The following PLEKHM3 variants were observed in gnomAD, a reference collection of about 807,000 sequenced individuals.
PLEKHM3 encodes pleckstrin homology domain-containing family M member 3.
In PLEKHM3, 45 loss-of-function variants were observed where a neutral mutation model predicts 81.8. The ratio of observed to expected loss-of-function variants is 0.55; its 90% CI spans 0.43 to 0.71. PLEKHM3 has a LOEUF of 0.71. Ranked by LOEUF, PLEKHM3 falls within the 30% of genes least tolerant of loss-of-function variation. The probability of loss-of-function intolerance (pLI) is 0.00; values close to 1 mark genes in which losing one functional copy is unlikely to be tolerated. For synonymous variants in PLEKHM3, 352 were observed against 356.4 expected (o/e 0.99, Z 0.14); for missense variants, 788 against 924.3 (o/e 0.85, Z 1.91).
At chr2:207,992,581 T>C (rs1691933537) in intron 2 of PLEKHM3, among the ~76,000 whole-genome samples, 1 of 152,186 alleles carries the variant, frequency 6.6e-6, no homozygotes, top group Admixed American at 6.5e-5. Flanking sequence ...ACCTTCCATG[T>C]GTTCATGCTT....
At chr2:207,913,520 G>A (rs1243168546) in intron 5 of PLEKHM3, among the ~76,000 whole-genome samples, 1 of 152,064 alleles carries the variant, frequency 6.6e-6, no homozygotes, top group African/African-American at 2.4e-5. Flanking sequence ...GTCAAATAAC[G>A]TAAGGAAGAC....
chr2:207,933,865 A>T (rs1369668723), intron 4 of PLEKHM3, among the ~76,000 whole-genome samples: 1 of 152,206 alleles, frequency 6.6e-6, no homozygotes, highest in African/African-American at 2.4e-5. Context: ...GTACATGAAC[A>T]AATCCCCACC....
intron 3 of PLEKHM3, among the ~76,000 whole-genome samples, chr2:207,953,808 A>G (rs1254142589): frequency 1.3e-5 from 2 of 150,202 alleles, no homozygotes; most frequent in Non-Finnish European, 3.0e-5. Context: ...TGGGCCACAA[A>G]GCAAGACTCT....
At chr2:207,873,005 AC>A (rs951328021) in intron 6 of PLEKHM3, among the ~76,000 whole-genome samples, 2 of 152,214 alleles carry the variant, frequency 1.3e-5, no homozygotes, top group African/African-American at 2.4e-5. Context: ...CAGAGGAAAA[AC>A]AAAAGTAGCA....
intron 7 of PLEKHM3, chr2:207,852,681 A>G (rs1287544498): frequency 2.6e-6 from 1 of 389,496 alleles, no homozygotes; most frequent in African/African-American, 2.1e-5. Flanking sequence ...AACAACAGAC[A>G]CTGGGTACTC....
intron 7 of PLEKHM3, among the ~76,000 whole-genome samples, chr2:207,837,761 ATTTTTTT>A (rs1194861994): frequency 4.0e-5 from 3 of 74,730 alleles, no homozygotes; most frequent in African/African-American, 5.1e-5. Flanking sequence ...CGGTTCTTCC[ATTTTTTT>A]TTTTTTTTTT....
At chr2:207,985,210 C>G (rs1027868998) in intron 2 of PLEKHM3, among the ~76,000 whole-genome samples, 3 of 151,566 alleles carry the variant, frequency 2.0e-5, no homozygotes, top group Non-Finnish European at 2.9e-5. Flanking sequence ...TTTTTCTCCA[C>G]AGTCCCCCAC....
intron 6 of PLEKHM3, among the ~76,000 whole-genome samples, chr2:207,894,829 C>G (rs1688170911): frequency 6.6e-6 from 1 of 152,152 alleles, no homozygotes; most frequent in Admixed American, 6.6e-5. Flanking sequence ...TAGAACAGGA[C>G]AGCTTGGGTT....
At chr2:208,010,454 G>A (rs114118057) in intron 1 of PLEKHM3, among the ~76,000 whole-genome samples, 1,768 of 152,348 alleles carry the variant, frequency 0.012, 22 homozygotes, top group Middle Eastern at 0.02. Flanking sequence ...ATGCAGACTT[G>A]ATGTTTTCCA....
intron 1 of PLEKHM3, among the ~76,000 whole-genome samples, chr2:208,017,386 G>C (rs963106300): frequency 3.3e-5 from 5 of 152,124 alleles, no homozygotes; most frequent in African/African-American, 7.2e-5. Flanking sequence ...GGAGGGAGTG[G>C]CGACAGAGTT....
chr2:207,853,243 C>T (rs565337528), intron 7 of PLEKHM3, among the ~76,000 whole-genome samples: 2 of 151,886 alleles, frequency 1.3e-5, no homozygotes, highest in Admixed American at 1.3e-4. Context: ...CATGGTGAAA[C>T]CCCGTCTCTA....
intron 4 of PLEKHM3, among the ~76,000 whole-genome samples, chr2:207,941,096 T>C (rs539422601): frequency 1.3e-5 from 2 of 152,172 alleles, no homozygotes; most frequent in Non-Finnish European, 2.9e-5. Flanking sequence ...AGGGATATAT[T>C]AGAAAAGGAC....
intron 2 of PLEKHM3, among the ~76,000 whole-genome samples, chr2:207,982,391 T>C (rs1691561079): frequency 6.6e-6 from 1 of 151,992 alleles, no homozygotes; most frequent in South Asian, 2.1e-4. Context: ...AAGATCAGTC[T>C]CCAGAGTGGC....
chr2:207,917,801 T>C (rs935566950), intron 5 of PLEKHM3, among the ~76,000 whole-genome samples: 4 of 152,156 alleles, frequency 2.6e-5, no homozygotes, highest in African/African-American at 9.7e-5. Flanking sequence ...GCTGTGGTCA[T>C]GTCATGGCAC....
chr2:207,865,738 CCACTG>C (rs2092492275), intron 6 of PLEKHM3, among the ~76,000 whole-genome samples: 1 of 132,474 alleles, frequency 7.5e-6, no homozygotes, highest in Non-Finnish European at 1.6e-5. Context: ...TGAGATGGTG[CCACTG>C]CACTCCAGCC....
At chr2:208,000,577 A>G (rs1254454613) in intron 2 of PLEKHM3, among the ~76,000 whole-genome samples, 1 of 152,190 alleles carries the variant, frequency 6.6e-6, no homozygotes, top group African/African-American at 2.4e-5. Context: ...CCTCAGCTAG[A>G]TGAAAAGTTC....
intron 2 of PLEKHM3, among the ~76,000 whole-genome samples, chr2:207,993,756 C>T (rs1042235840): frequency 6.6e-6 from 1 of 152,056 alleles, no homozygotes; most frequent in African/African-American, 2.4e-5. Context: ...AATGTGAACA[C>T]AGTCAGGAAT....
At chr2:207,913,216 G>A (rs1269874196) in intron 5 of PLEKHM3, among the ~76,000 whole-genome samples, 1 of 152,026 alleles carries the variant, frequency 6.6e-6, no homozygotes, top group East Asian at 1.9e-4. Flanking sequence ...ATGCTCAAGT[G>A]GAGTCACCTG....
intron 1 of PLEKHM3, among the ~76,000 whole-genome samples, chr2:208,002,568 TCA>T (rs1465174096): frequency 6.6e-6 from 1 of 152,156 alleles, no homozygotes; most frequent in Non-Finnish European, 1.5e-5. Context: ...AGGATTGGCC[TCA>T]GAGTATGGGT....
Sources: allele counts gnomAD v4.1 joint callset (sites outside exome capture counted in the v4.1 genomes callset), GRCh38; gene constraint gnomAD v4.1.1; transcripts MANE v1.5; gene names NCBI Gene and HGNC (gene_info 2026-07-23, HGNC 2026-07-21).